CSMD1: variants seen among roughly 807,000 people sequenced by gnomAD.
CSMD1 encodes CUB and sushi domain-containing protein 1.
Under a neutral mutation model 417.5 loss-of-function variants are expected in CSMD1, and 213 were observed. The ratio of observed to expected loss-of-function variants is 0.51; its 90% CI spans 0.46 to 0.57. The LOEUF is 0.57. Among genes scored for constraint, CSMD1 ranks in the 20% least tolerant of loss-of-function variants. CSMD1 has a pLI of 0.00. For synonymous variants in CSMD1, 2,862 were observed against 1,736.8 expected, an observed-to-expected ratio of 1.65 and a Z score of -16.11; for missense variants, 6,923 against 4,529.7, an observed-to-expected ratio of 1.53 and a Z score of -15.17.
intron 26 of CSMD1, among the ~76,000 whole-genome samples, chr8:3,240,000 T>C (rs1563174116): frequency 6.6e-6 from 1 of 151,368 alleles, no homozygotes; most frequent in South Asian, 2.1e-4. Context: ...AGGAAGAAAA[T>C]AGATTTTGGA....
chr8:3,671,703 C>T (rs973346564), intron 7 of CSMD1, among the ~76,000 whole-genome samples: 1 of 151,478 alleles, frequency 6.6e-6, no homozygotes, highest in Non-Finnish European at 1.5e-5. Flanking sequence ...GCCTCTTCAT[C>T]TTATTCGTGT....
intron 2 of CSMD1, among the ~76,000 whole-genome samples, chr8:4,623,416 C>T (rs976235110): frequency 2.6e-5 from 4 of 152,110 alleles, no homozygotes; most frequent in African/African-American, 4.8e-5. Flanking sequence ...GATTAGAAAA[C>T]ATTTTAGCCA....
At position 4,121,620 on chromosome 8, in the gene CSMD1, TAA is replaced by T. The variant is rs35084613; in HGVS notation, c.416-89523_416-89522del. On this transcript the variant is annotated intron_variant, in intron 3 of 69. Transcript: ENST00000635120. ...AAATCATGTGCATAAACACCTAGTT[TAA>T]AAAAAAAAAAAAGAAGTGGGAATTC... 1.9e-3 allele frequency among the ~76,000 whole-genome samples: 277 copies of T among 143,956 alleles called. 1 individual carries two copies. The highest frequency in any genetic ancestry group is 0.014 in the South Asian group (63 of 4,518). 94.4% of individuals were successfully genotyped at this position (143,956 alleles called of 152,430 possible).
intron 11 of CSMD1, among the ~76,000 whole-genome samples, chr8:3,476,015 T>C (rs192068257): frequency 6.6e-6 from 1 of 152,350 alleles, no homozygotes; most frequent in Non-Finnish European, 1.5e-5. Context: ...CCTTGCTAAA[T>C]GGTTCAATAG....
At chr8:3,357,602 T>A (rs1808877153) in intron 21 of CSMD1, among the ~76,000 whole-genome samples, 1 of 152,192 alleles carries the variant, frequency 6.6e-6, no homozygotes. Context: ...TAACATTTAA[T>A]GGGTCTTAAT....
intron 5 of CSMD1, among the ~76,000 whole-genome samples, chr8:3,945,349 C>T (rs1395704698): frequency 1.3e-5 from 2 of 152,034 alleles, no homozygotes; most frequent in Admixed American, 1.3e-4. Context: ...ATAATGATGT[C>T]CACAAAGCTT....
chr8:3,558,047 C>T (rs1288651173), intron 10 of CSMD1, among the ~76,000 whole-genome samples: 1 of 149,704 alleles, frequency 6.7e-6, no homozygotes, highest in Non-Finnish European at 1.5e-5. Context: ...TAACCCGTGT[C>T]CACTCCTCTG....
chr8:3,901,647 C>T (rs1228810240), intron 5 of CSMD1, among the ~76,000 whole-genome samples: 1 of 152,204 alleles, frequency 6.6e-6, no homozygotes. Flanking sequence ...TATCTGGCTC[C>T]TCCAATTTAT....
At chr8:3,400,280 A>T (rs1300589879) in intron 15 of CSMD1, among the ~76,000 whole-genome samples, 1 of 152,194 alleles carries the variant, frequency 6.6e-6, no homozygotes, top group African/African-American at 2.4e-5. Flanking sequence ...GATTTTATGT[A>T]TTCTCTCTCA....
intron 3 of CSMD1, among the ~76,000 whole-genome samples, chr8:4,198,322 A>G (rs951625551): frequency 7.9e-5 from 12 of 152,252 alleles, no homozygotes; most frequent in African/African-American, 2.7e-4. Context: ...AAGCCCGACA[A>G]GAGTACGTCA....
chr8:3,851,085 G>C (rs1419533319), intron 5 of CSMD1, among the ~76,000 whole-genome samples: 3 of 152,222 alleles, frequency 2.0e-5, no homozygotes, highest in East Asian at 3.9e-4. Context: ...ATCTATTTAG[G>C]TATAATTCTA....
intron 3 of CSMD1, among the ~76,000 whole-genome samples, chr8:4,235,033 T>A (rs981186222): frequency 1.3e-5 from 2 of 152,192 alleles, no homozygotes; most frequent in Admixed American, 6.5e-5. Flanking sequence ...AGTTAAGTCT[T>A]CAACATTCGA....
intron 1 of CSMD1, among the ~76,000 whole-genome samples, chr8:4,679,459 C>A (rs1050764433): frequency 1.3e-5 from 2 of 152,052 alleles, no homozygotes; most frequent in African/African-American, 4.8e-5. Context: ...ACTAGTCATC[C>A]TCACTCCCTC....
chr8:3,836,139 T>A (rs1335265641), intron 5 of CSMD1, among the ~76,000 whole-genome samples: 2 of 152,192 alleles, frequency 1.3e-5, no homozygotes, highest in South Asian at 2.1e-4. Context: ...GGTGTGAAGT[T>A]ATTTTTTTCT....
At chr8:4,711,436 C>A (rs988116068) in intron 1 of CSMD1, among the ~76,000 whole-genome samples, 3 of 151,962 alleles carry the variant, frequency 2.0e-5, no homozygotes, top group Non-Finnish European at 4.4e-5. Context: ...GTAATAGCTG[C>A]ATTTTCAAAC....
At chr8:4,181,346 C>A (rs932479655) in intron 3 of CSMD1, among the ~76,000 whole-genome samples, 1 of 150,426 alleles carries the variant, frequency 6.6e-6, no homozygotes, top group Non-Finnish European at 1.5e-5. Context: ...TGCAATGGTA[C>A]GGTTTCTCAT....
chr8:3,191,188 C>G (rs569251151), intron 33 of CSMD1, among the ~76,000 whole-genome samples: 2 of 152,184 alleles, frequency 1.3e-5, no homozygotes, highest in African/African-American at 4.8e-5. Flanking sequence ...GGTGCAGTGG[C>G]GCAAGCCTGT....
chr8:4,988,424 A>T (rs1403526841), intron 1 of CSMD1, among the ~76,000 whole-genome samples: 1 of 152,220 alleles, frequency 6.6e-6, no homozygotes, highest in Non-Finnish European at 1.5e-5. Flanking sequence ...GTAAAATAAA[A>T]TACGTAAGTT....
At chr8:4,264,316 A>G (rs140620122) in intron 3 of CSMD1, among the ~76,000 whole-genome samples, 8 of 152,312 alleles carry the variant, frequency 5.3e-5, no homozygotes, top group African/African-American at 1.9e-4. Context: ...AAAGCATGAC[A>G]TTCAATTTTC....
Sources: gnomAD v4.1 joint callset for allele counts (sites outside exome capture counted in the v4.1 genomes callset) on GRCh38, gnomAD v4.1.1 for gene constraint, MANE v1.5 for transcripts, NCBI Gene and HGNC (gene_info 2026-07-23, HGNC 2026-07-21) for gene names.